Variants in DSE observed in about 807,000 individuals in gnomAD.
The protein encoded by DSE is dermatan-sulfate epimerase.
DSE carries 36 observed loss-of-function variants against 84.4 expected under a neutral mutation model. The observed-to-expected ratio is 0.43, with a 90% CI of 0.33 to 0.56. DSE has a LOEUF of 0.56. Among genes scored for constraint, DSE ranks in the 20% least tolerant of loss-of-function variants. The pLI, the probability that DSE is intolerant of heterozygous loss-of-function variation, is 0.06. For missense variants in DSE, 862 were observed against 1,169.6 expected (o/e 0.74, Z 3.84); for synonymous variants, 410 against 430.1 (o/e 0.95, Z 0.58).
intron 2 of DSE, among the ~76,000 whole-genome samples, chr6:116,362,664 A>G (rs1391918941): frequency 2.0e-5 from 3 of 152,104 alleles, no homozygotes; most frequent in African/African-American, 7.2e-5. Context: ...CATCCAGTCT[A>G]TGGTATTTTG....
At chr6:116,280,750 TAGAG>T (rs1773476419) in intron 2 of DSE, among the ~76,000 whole-genome samples, 1 of 152,148 alleles carries the variant, frequency 6.6e-6, no homozygotes, top group African/African-American at 2.4e-5. Context: ...GGTGCTGTCT[TAGAG>T]AGCTACAAGG....
intron 1 of DSE, among the ~76,000 whole-genome samples, chr6:116,392,368 G>T (rs926284655): frequency 6.6e-6 from 1 of 152,138 alleles, no homozygotes; most frequent in Non-Finnish European, 1.5e-5. Flanking sequence ...GCAACGTCAG[G>T]AACATTCATT....
At chr6:116,322,723 G>A (rs1012310770) in intron 2 of DSE, among the ~76,000 whole-genome samples, 5 of 152,202 alleles carry the variant, frequency 3.3e-5, no homozygotes, top group African/African-American at 1.2e-4. Flanking sequence ...ATGCAAACCT[G>A]TGATTGAAGC....
intron 2 of DSE, chr6:116,279,770 AAAT>A (rs997364858): frequency 1.2e-6 from 2 of 1,612,702 alleles, no homozygotes; most frequent in Non-Finnish European, 1.7e-6. Flanking sequence ...ACTTGGTCAG[AAAT>A]AATGATGCTG....
chr6:116,260,993 A>G (rs1266098854), intron 2 of DSE, among the ~76,000 whole-genome samples: 3 of 152,088 alleles, frequency 2.0e-5, no homozygotes, highest in Non-Finnish European at 4.4e-5. Context: ...TTTGAGTTTT[A>G]AAATAGTTTT....
chr6:116,436,088 A>G lies in DSE; in HGVS notation c.1620A>G (p.Glu540=), dbSNP rs1180903363. Residue 540 remains glutamate (E), a synonymous_variant, in exon 6 of 6, where the codon GAA becomes GAG. Transcript: ENST00000644252. The stretch of plus-strand genomic sequence containing the variant: ...ATGGGGTGGTTTTCATCCGAGGAGA[A>G]GGTGTGGGAGCTTATAACCCCCAGC... ...EKNGVVFIRG[E]GVGAYNPQLN... is the part of the protein sequence containing the mutation. 1.2e-6 allele frequency: 2 copies of G among 1,613,340 alleles called. No individual in the cohort carries two copies. The highest frequency in any genetic ancestry group is 1.1e-5 in the South Asian group (1 of 91,040).
chr6:116,435,995 A>G lies in DSE; in HGVS notation c.1527A>G (p.Lys509=), dbSNP rs1784128756. The G allele has an allele frequency of 1.2e-6, 2 of 1,614,118 alleles. No homozygotes were observed. The highest frequency in any genetic ancestry group is 4.5e-5 in the East Asian group (2 of 44,882). ...VGQVTEDCSS[K]WSKYKHDLAA... is the part of the protein sequence containing the mutation. ...AGGTCACAGAAGACTGCTCATCAAA[A>G]TGGTCTAAATACAAGCATGACCTGG... The change falls in exon 6 of 6, where the codon AAA becomes AAG. Residue 509 remains lysine, a synonymous_variant. Transcript: ENST00000644252.
At chr6:116,402,344 C>T (rs907616401) in intron 2 of DSE, among the ~76,000 whole-genome samples, 1 of 152,136 alleles carries the variant, frequency 6.6e-6, no homozygotes, top group Non-Finnish European at 1.5e-5. Context: ...TGAATCCCAG[C>T]TCCCTCACTC....
intron 1 of DSE, among the ~76,000 whole-genome samples, chr6:116,385,630 A>G (rs1307080038): frequency 6.6e-6 from 1 of 152,120 alleles, no homozygotes; most frequent in Non-Finnish European, 1.5e-5. Flanking sequence ...GGTTAACTAC[A>G]TCTATGTATC....
chr6:116,369,090 T>C (rs1230281098), upstream of DSE, among the ~76,000 whole-genome samples: 2 of 152,284 alleles, frequency 1.3e-5, no homozygotes, highest in African/African-American at 4.8e-5. Flanking sequence ...TGGTTGTACA[T>C]TGTGATCATC....
chr6:116,377,634 A>G (rs1354386757), intron 1 of DSE, among the ~76,000 whole-genome samples: 2 of 152,230 alleles, frequency 1.3e-5, no homozygotes, highest in Non-Finnish European at 2.9e-5. Context: ...TAGAAATGAG[A>G]AATGACAGTT....
At chr6:116,407,859 T>C (rs555703180) in intron 2 of DSE, among the ~76,000 whole-genome samples, 26 of 152,344 alleles carry the variant, frequency 1.7e-4, no homozygotes, top group African/African-American at 6.3e-4. Flanking sequence ...TTTTAAAGCT[T>C]TTCACTGATA....
chr6:116,329,798 G>A (rs1290063710), intron 2 of DSE, among the ~76,000 whole-genome samples: 1 of 152,100 alleles, frequency 6.6e-6, no homozygotes, highest in Non-Finnish European at 1.5e-5. Context: ...TCTTCACTGA[G>A]GCAAACCAGT....
intron 1 of DSE, among the ~76,000 whole-genome samples, chr6:116,380,823 T>C (rs1007135309): frequency 2.0e-5 from 3 of 152,184 alleles, no homozygotes; most frequent in African/African-American, 7.2e-5. Context: ...TATATTCACA[T>C]AACTCAGTAT....
At chr6:116,334,095 T>G (rs78254946) in intron 2 of DSE, among the ~76,000 whole-genome samples, 6 of 152,360 alleles carry the variant, frequency 3.9e-5, no homozygotes, top group Admixed American at 6.5e-5. Context: ...ACTAATCTAT[T>G]TACACATTTG....
At chr6:116,350,706 T>C (rs1778257620) in intron 2 of DSE, among the ~76,000 whole-genome samples, 1 of 152,168 alleles carries the variant, frequency 6.6e-6, no homozygotes, top group South Asian at 2.1e-4. Flanking sequence ...ACTCTCTAAA[T>C]GTCAGGCAAG....
upstream of DSE, among the ~76,000 whole-genome samples, chr6:116,367,969 T>C (rs1779258100): frequency 6.6e-6 from 1 of 152,170 alleles, no homozygotes; most frequent in Non-Finnish European, 1.5e-5. Flanking sequence ...AATAAACCTA[T>C]TATTAAAATG....
chr6:116,349,951 A>AT (rs1273253581), intron 2 of DSE, among the ~76,000 whole-genome samples: 3 of 152,188 alleles, frequency 2.0e-5, no homozygotes, highest in Non-Finnish European at 4.4e-5. Context: ...TCACTTGGCC[A>AT]TAACCAAAAG....
Position 116,426,781 on chromosome 6 carries a change from C to A in DSE, c.624C>A (p.Thr208=), listed in dbSNP as rs778653797. The A allele has an allele frequency of 6.2e-7, 1 of 1,614,118 alleles. No individual in the cohort carries two copies. Among genetic ancestry groups the A allele is most frequent in the South Asian group, 1.1e-5 (1 of 91,084 alleles). The part of the protein sequence containing the change: ...GFQYLHNHQP[T]NCMALLTGSL... Reference sequence around the variant, plus strand: ...AATACCTGCACAATCATCAGCCCACCAACTGTATGGCTTTGCTCACGGGAA... The same window carrying A: ...AATACCTGCACAATCATCAGCCCACAAACTGTATGGCTTTGCTCACGGGAA... The change falls in exon 3 of 6, where the codon ACC becomes ACA. Residue 208 remains threonine (T), a synonymous_variant. Transcript: ENST00000644252.
Sources: allele counts gnomAD v4.1 joint callset (sites outside exome capture counted in the v4.1 genomes callset), GRCh38; gene constraint gnomAD v4.1.1; transcripts MANE v1.5; gene names NCBI Gene and HGNC (gene_info 2026-07-23, HGNC 2026-07-21).